Variants in MEGF9 observed in about 807,000 individuals in gnomAD.
The protein encoded by MEGF9 is multiple EGF like domains 9.
MEGF9 carries 6 observed loss-of-function variants against 46.8 expected under a neutral mutation model. That is an observed-to-expected ratio of 0.13 (90% CI 0.07 to 0.25). The LOEUF is 0.25. MEGF9 is among the 10% of genes least tolerant of loss of function. The probability of loss-of-function intolerance (pLI) is 1.00; values close to 1 mark genes in which losing one functional copy is unlikely to be tolerated. For synonymous variants in MEGF9, 302 were observed against 330.7 expected (o/e 0.91, Z 0.94); for missense variants, 683 against 792.4 (o/e 0.86, Z 1.66).
At chr9:120,624,238 G>A (rs187685544) in intron 2 of MEGF9, among the ~76,000 whole-genome samples, 19 of 152,142 alleles carry the variant, frequency 1.2e-4, no homozygotes, top group East Asian at 7.7e-4. Context: ...ATTTTTGTTC[G>A]TTTTTGTTTT....
intron 2 of MEGF9, among the ~76,000 whole-genome samples, chr9:120,653,379 T>A (rs557119351): frequency 0.027 from 3,666 of 137,684 alleles, 105 homozygotes; most frequent in African/African-American, 0.077. Context: ...ATTTTATTTA[T>A]TTTTTTTTTT....
chr9:120,640,184 T>C (rs2043596150), intron 2 of MEGF9, among the ~76,000 whole-genome samples: 2 of 152,198 alleles, frequency 1.3e-5, no homozygotes, highest in Non-Finnish European at 2.9e-5. Flanking sequence ...CCCTAACTCC[T>C]GTTCCCAATT....
chr9:120,698,066 C>G (rs1445646284), intron 1 of MEGF9, among the ~76,000 whole-genome samples: 1 of 152,146 alleles, frequency 6.6e-6, no homozygotes, highest in African/African-American at 2.4e-5. Context: ...TACTATTATA[C>G]TCATGTTACA....
chr9:120,629,586 A>G (rs2043541675), intron 2 of MEGF9, among the ~76,000 whole-genome samples: 1 of 151,790 alleles, frequency 6.6e-6, no homozygotes, highest in African/African-American at 2.4e-5. Flanking sequence ...TGTTGCAGTG[A>G]GGCAAGATTG....
chr9:120,701,205 TTCTCA>T (rs1384817525), intron 1 of MEGF9, among the ~76,000 whole-genome samples: 1 of 152,070 alleles, frequency 6.6e-6, no homozygotes, highest in Non-Finnish European at 1.5e-5. Flanking sequence ...ATGCTACTAC[TTCTCA>T]TCTCTTCTTT....
intron 2 of MEGF9, among the ~76,000 whole-genome samples, chr9:120,638,436 C>T (rs2043588420): frequency 6.6e-6 from 1 of 152,312 alleles, no homozygotes; most frequent in Middle Eastern, 3.4e-3. Context: ...CAAAAACCTG[C>T]TTAAATTGAA....
intron 1 of MEGF9, among the ~76,000 whole-genome samples, chr9:120,699,278 T>A (rs191743830): frequency 6.6e-6 from 1 of 152,208 alleles, no homozygotes; most frequent in Non-Finnish European, 1.5e-5. Context: ...TCATTTATTA[T>A]CATGAGAAAT....
At chr9:120,668,161 A>C (rs150060810) in intron 1 of MEGF9, among the ~76,000 whole-genome samples, 54 of 152,346 alleles carry the variant, frequency 3.5e-4, no homozygotes, top group African/African-American at 1.2e-3. Context: ...AAGAAAAGGA[A>C]TCTCAGAAAA....
At chr9:120,701,900 A>G (rs113850700) in intron 1 of MEGF9, among the ~76,000 whole-genome samples, 6,461 of 152,042 alleles carry the variant, frequency 0.042, 457 homozygotes, top group African/African-American at 0.15. Flanking sequence ...AAAATTAGCC[A>G]GGTGTGGTGG....
chr9:120,638,928 T>TA (rs2043590427), intron 2 of MEGF9, among the ~76,000 whole-genome samples: 1 of 152,254 alleles, frequency 6.6e-6, no homozygotes, highest in Non-Finnish European at 1.5e-5. Context: ...GCAAGCCTTC[T>TA]GCCTCAGTAT....
intron 1 of MEGF9, among the ~76,000 whole-genome samples, chr9:120,664,904 A>G (rs2043718245): frequency 1.3e-5 from 2 of 152,218 alleles, no homozygotes; most frequent in Non-Finnish European, 2.9e-5. Context: ...CACAATAATA[A>G]TACCTATTTA....
In MEGF9 at chr9:120,604,379, T is replaced by C. The variant is rs892097604; in HGVS notation, c.*811A>G. ...CACCATTAACTGCTGTACAAATAAA[T>C]TCCAGATGATAAAATATGACATGAT... is the stretch of plus-strand genomic sequence containing the variant. On this transcript the variant is annotated 3_prime_UTR_variant, in exon 6 of 6. Coordinates refer to ENST00000373930, the MANE Select transcript of MEGF9 (RefSeq NM_001080497.3). 3 of 152,558 alleles carry C rather than the reference T, an allele frequency of 2.0e-5. No individual in the cohort carries two copies. The highest frequency in any genetic ancestry group is 6.5e-5 in the Admixed American group (1 of 15,270). 9.5% of individuals were successfully genotyped at this position (152,558 alleles called of 1,614,324 possible). A position where few individuals can be genotyped will look rare whatever the true frequency, so the allele number is the denominator to read the frequency against.
Position 120,714,100 on chromosome 9 carries a change from C to T in MEGF9, c.259G>A (p.Val87Ile), listed in dbSNP as rs2043966807. 2 of 1,247,962 alleles carry T rather than the reference C, an allele frequency of 1.6e-6. No individual in the cohort carries two copies. Among genetic ancestry groups the T allele is most frequent in the East Asian group, 3.1e-5 (1 of 32,154 alleles). 77.3% of individuals were successfully genotyped at this position (1,247,962 alleles called of 1,614,324 possible). Reference protein sequence around the residue: ...APRTGPPRATVHRPLAATSPA... With the variant: ...APRTGPPRATIHRPLAATSPA... ...GAAGTCGCAGCCAGGGGTCGGTGGA[C>T]GGTGGCGCGCGGGGGCCCGGTCCTC... The change falls in exon 1 of 6, where the codon GTC (valine) becomes ATC (isoleucine). Residue 87 changes from valine to isoleucine, a missense_variant. Around this residue, in one of 2 missense-constraint regions of MEGF9, gnomAD observed 370 missense variants for 371.3 expected, o/e 1.00. Transcript: ENST00000373930.
intron 1 of MEGF9, among the ~76,000 whole-genome samples, chr9:120,676,131 T>C (rs914742980): frequency 7.9e-5 from 12 of 151,998 alleles, no homozygotes; most frequent in African/African-American, 2.7e-4. Flanking sequence ...ACTGGCAGCT[T>C]TACAATATTC....
At chr9:120,693,991 T>C (rs775723042) in intron 1 of MEGF9, among the ~76,000 whole-genome samples, 1 of 151,924 alleles carries the variant, frequency 6.6e-6, no homozygotes, top group Non-Finnish European at 1.5e-5. Context: ...CTTTTTCTTT[T>C]GGGTAAAATG....
rs2043403462 is a variant in MEGF9 at position 120,602,845 on chromosome 9, C to T, written c.*2345G>A. ...CTTAGAATTGTGCAGTCTGTACACA[C>T]ATATGCAGCAACTGCTAGGGAAAGC... On this transcript the variant is annotated 3_prime_UTR_variant, in exon 6 of 6. Coordinates refer to ENST00000373930, the MANE Select transcript of MEGF9 (RefSeq NM_001080497.3). 1 of 152,156 alleles carries T rather than the reference C, an allele frequency of 6.6e-6. No homozygotes were observed. Among genetic ancestry groups the T allele is most frequent in the Admixed American group, 6.5e-5 (1 of 15,270 alleles). 9.4% of individuals were successfully genotyped at this position (152,156 alleles called of 1,614,324 possible). A position where few individuals can be genotyped will look rare whatever the true frequency, so the allele number is the denominator to read the frequency against.
In MEGF9 at chr9:120,678,539, C is replaced by T. The variant is rs895386426; in HGVS notation, c.602-18964G>A. On this transcript the variant is annotated intron_variant, in intron 1 of 5. Transcript: ENST00000373930. ...CCAGGGTGGAATGCAGTAGCATGAT[C>T]TTGGCTCACTGCAACCTCTGCCTCC... Among the ~76,000 whole-genome samples the T allele has an allele frequency of 2.0e-5, 3 of 152,182 alleles. No homozygotes were observed. The East Asian group carries it at 5.8e-4, about 29-fold the overall frequency.
chr9:120,713,222 T>C (rs2043961147), intron 1 of MEGF9, among the ~76,000 whole-genome samples: 1 of 152,304 alleles, frequency 6.6e-6, no homozygotes, highest in African/African-American at 2.4e-5. Context: ...TTTTTTGCCC[T>C]CAAGTGGTCC....
chr9:120,611,869 G>GAGAA (rs1169951835), intron 4 of MEGF9, among the ~76,000 whole-genome samples: 2 of 136,014 alleles, frequency 1.5e-5, no homozygotes, highest in Non-Finnish European at 3.0e-5. Flanking sequence ...GGAAGAAAGA[G>GAGAA]AGAGAGAGAG....
Sources: gnomAD v4.1 joint callset for allele counts (sites outside exome capture counted in the v4.1 genomes callset) on GRCh38, gnomAD v4.1.1 for gene constraint, gnomAD v4.1.1 regional missense constraint, MANE v1.5 for transcripts, NCBI Gene and HGNC (gene_info 2026-07-23, HGNC 2026-07-21) for gene names.